Variants in RCN2 observed in about 807,000 individuals in gnomAD.
RCN2 encodes reticulocalbin 2, also known as reticulocalbin-2.
In RCN2, 23 loss-of-function variants were observed where a neutral mutation model predicts 37.5. The ratio of observed to expected loss-of-function variants is 0.61; its 90% CI spans 0.44 to 0.87. RCN2 has a LOEUF of 0.87. Among genes scored for constraint, RCN2 ranks in the 40% least tolerant of loss-of-function variants. The pLI, the probability that RCN2 is intolerant of heterozygous loss-of-function variation, is 0.00. For missense variants in RCN2, 381 were observed against 390.4 expected, an observed-to-expected ratio of 0.98 and a Z score of 0.20; for synonymous variants, 140 against 144.6, an observed-to-expected ratio of 0.97 and a Z score of 0.23.
intron 5 of RCN2, chr15:76,947,853 A>G (rs2075302910): frequency 4.3e-6 from 1 of 235,068 alleles, no homozygotes. Flanking sequence ...TAAAAGAGAT[A>G]GAAACATAAA....
rs762832825 is a variant in RCN2, at chr15:76,949,183, A to G, written c.915A>G (p.Arg305=). 1.2e-6 allele frequency: 2 copies of G among 1,612,808 alleles called. No homozygotes were observed. Among genetic ancestry groups the G allele is most frequent in the South Asian group, 2.2e-5 (2 of 90,836 alleles). ...CCAGTGAAGCCACAGATTATGGCAG[A>G]CAGCTCCATGATGACTATTTCTATC... ...FLTSEATDYG[R]QLHDDYFYHD... The change falls in exon 7 of 7, where the codon AGA becomes AGG. Residue 305 remains arginine, a synonymous_variant. Transcript: ENST00000394885.
Position 76,953,582 on chromosome 15 carries a change from TA to T in RCN2, c.*4361del, listed in dbSNP as rs2152652871. ...ATATATATATATATATATATATATA[TA>T]TATATATATATTTTTTTTTTTTTTT... On this transcript the variant is annotated 3_prime_UTR_variant, in exon 7 of 7. Transcript: ENST00000394885. 11 of 21,808 alleles carry T rather than the reference TA, an allele frequency of 5.0e-4. No homozygotes were observed. The highest frequency in any genetic ancestry group is 1.3e-3 in the African/African-American group (7 of 5,460). 1.4% of individuals were successfully genotyped at this position (21,808 alleles called of 1,614,324 possible). A position where few individuals can be genotyped will look rare whatever the true frequency, so the allele number is the denominator to read the frequency against.
At chr15:76,938,874 A>G (rs1037050710) in intron 3 of RCN2, 1 of 433,950 alleles carries the variant, frequency 2.3e-6, no homozygotes, top group African/African-American at 2.0e-5. Flanking sequence ...GAGGATAATA[A>G]TTCCCATTCA....
At position 76,951,685 on chromosome 15, in the gene RCN2, A is replaced by T. The variant is rs1374497075; in HGVS notation, c.*2463A>T. 6.6e-6 allele frequency: 1 copy of T among 152,212 alleles called. No homozygotes were observed. The highest frequency in any genetic ancestry group is 1.9e-4 in the East Asian group (1 of 5,208). 9.4% of individuals were successfully genotyped at this position (152,212 alleles called of 1,614,324 possible). A position where few individuals can be genotyped will look rare whatever the true frequency, so the allele number is the denominator to read the frequency against. On this transcript the variant is annotated 3_prime_UTR_variant, in exon 7 of 7. Coordinates refer to ENST00000394885, the MANE Select transcript of RCN2 (RefSeq NM_002902.3). ...ATTTGAATTTTAAATAAGACTTTTA[A>T]AATAAAGCTTTTATTTTGGTTTTAA...
rs74973371 is a variant in RCN2, at chr15:76,951,155, A to C, written c.*1933A>C. 4 of 152,240 alleles carry C rather than the reference A, an allele frequency of 2.6e-5. No homozygotes were observed. Among genetic ancestry groups the C allele is most frequent in the Non-Finnish European group, 5.9e-5 (4 of 68,042 alleles). The allele number at this position is 152,240 out of a possible 1,614,324, so 9.4% of individuals were successfully genotyped here. A position where few individuals can be genotyped will look rare whatever the true frequency, so the allele number is the denominator to read the frequency against. ...TGCCAGAATAGATCATCAGATATGG[A>C]TTATATTTCAATCCTTTGCAGAAAT... On this transcript the variant is annotated 3_prime_UTR_variant, in exon 7 of 7. Transcript: ENST00000394885.
chr15:76,943,116 G>A (rs918400062), intron 3 of RCN2: 2 of 152,206 alleles, frequency 1.3e-5, no homozygotes, highest in Non-Finnish European at 2.9e-5. Flanking sequence ...ATGGTATAAA[G>A]TTATTGATTT....
chr15:76,934,726 A>G (rs191724521), intron 2 of RCN2, among the ~76,000 whole-genome samples: 16 of 152,346 alleles, frequency 1.1e-4, no homozygotes, highest in Admixed American at 9.1e-4. Flanking sequence ...CATAAAATTT[A>G]TTTTAAAGGA....
chr15:76,950,983 A>G lies in RCN2; in HGVS notation c.*1761A>G, dbSNP rs2075318416. The G allele has an allele frequency of 6.6e-6, 1 of 152,178 alleles. No homozygotes were observed. Among genetic ancestry groups the G allele is most frequent in the South Asian group, 2.1e-4 (1 of 4,828 alleles). The allele number at this position is 152,178 out of a possible 1,614,324, so 9.4% of individuals were successfully genotyped here. ...CATGGTTTTCATTTTAACCTACACT[A>G]TATGTCTGGCTATAGCAGTTTTAGA... is the stretch of plus-strand genomic sequence containing the variant. On this transcript the variant is annotated 3_prime_UTR_variant, in exon 7 of 7. Transcript: ENST00000394885.
intron 2 of RCN2, among the ~76,000 whole-genome samples, chr15:76,932,685 G>C (rs956388246): frequency 3.9e-5 from 6 of 152,132 alleles, no homozygotes; most frequent in Non-Finnish European, 7.3e-5. Context: ...CATTGACCCT[G>C]TACTCTATGT....
rs915370470 is a variant in RCN2, at chr15:76,950,220, A to C, written c.*998A>C. ...TGGTCAGTTATCAACAGTAGAGCTCAGTATCAATTTTACTGAAATTAAAAT... is the reference window on the plus strand; with the variant it reads ...TGGTCAGTTATCAACAGTAGAGCTCCGTATCAATTTTACTGAAATTAAAAT... On this transcript the variant is annotated 3_prime_UTR_variant, in exon 7 of 7. Coordinates refer to ENST00000394885, the MANE Select transcript of RCN2 (RefSeq NM_002902.3). The C allele has an allele frequency of 2.6e-5, 4 of 152,154 alleles. No homozygotes were observed. Among genetic ancestry groups the C allele is most frequent in the African/African-American group, 7.2e-5 (3 of 41,438 alleles). 9.4% of individuals were successfully genotyped at this position (152,154 alleles called of 1,614,324 possible). A position where few individuals can be genotyped will look rare whatever the true frequency, so the allele number is the denominator to read the frequency against.
rs1057214201 is a variant in RCN2, at chr15:76,950,103, C to T, written c.*881C>T. The T allele has an allele frequency of 1.3e-5, 2 of 151,868 alleles. No individual in the cohort carries two copies. The highest frequency in any genetic ancestry group is 1.3e-4 in the Admixed American group (2 of 15,240). The allele number at this position is 151,868 out of a possible 1,614,324, so 9.4% of individuals were successfully genotyped here. ...AATATAATTGAATGTGCACCTGACA[C>T]ATTTTAATAATTGGTGTTGTAGCAA... On this transcript the variant is annotated 3_prime_UTR_variant, in exon 7 of 7. Coordinates refer to ENST00000394885, the MANE Select transcript of RCN2 (RefSeq NM_002902.3).
chr15:76,933,180 C>T (rs1055659206), intron 2 of RCN2, among the ~76,000 whole-genome samples: 1 of 152,198 alleles, frequency 6.6e-6, no homozygotes. Flanking sequence ...AGTTGTCTCT[C>T]CCCATTGTTC....
intron 3 of RCN2, among the ~76,000 whole-genome samples, chr15:76,936,146 G>A (rs1187086918): frequency 6.6e-6 from 1 of 150,798 alleles, no homozygotes; most frequent in South Asian, 2.1e-4. Flanking sequence ...TCAAACAACT[G>A]AGAATCGTAA....
At chr15:76,935,833 C>T (rs2152649667) in intron 3 of RCN2, 111 bp downstream of exon 3, 2 of 731,386 alleles carry the variant, frequency 2.7e-6, no homozygotes, top group East Asian at 2.9e-5. Context: ...GTCTTGTTCT[C>T]TAGGAAATCA....
chr15:76,931,824 C>T lies in RCN2; in HGVS notation c.-18C>T, dbSNP rs1303301755. The T allele has an allele frequency of 2.5e-6, 3 of 1,217,354 alleles. No individual in the cohort carries two copies. Among genetic ancestry groups the T allele is most frequent in the Admixed American group, 8.9e-5 (2 of 22,494 alleles). The allele number at this position is 1,217,354 out of a possible 1,614,324, so 75.4% of individuals were successfully genotyped here. On this transcript the variant is annotated 5_prime_UTR_variant, in exon 1 of 7. Transcript: ENST00000394885. ...CCTCCCTCCTCGCGTCCCTCGGTGTCCTCCGCGGGCCGGCGCGATGCGGCT... is the reference window on the plus strand; with the variant it reads ...CCTCCCTCCTCGCGTCCCTCGGTGTTCTCCGCGGGCCGGCGCGATGCGGCT...
chr15:76,936,488 A>G (rs1245265770), intron 3 of RCN2, among the ~76,000 whole-genome samples: 3 of 152,112 alleles, frequency 2.0e-5, no homozygotes, highest in Non-Finnish European at 2.9e-5. Flanking sequence ...CCTCACATGT[A>G]CAGTTCACAG....
At chr15:76,932,982 G>A (rs1258588123) in intron 2 of RCN2, among the ~76,000 whole-genome samples, 3 of 152,082 alleles carry the variant, frequency 2.0e-5, no homozygotes, top group Non-Finnish European at 4.4e-5. Flanking sequence ...ATGAAGAAAT[G>A]AAGCACAGGG....
chr15:76,953,503 T>TTTTGGATATA lies in RCN2; in HGVS notation c.*4283_*4292dup, dbSNP rs2075330635. 1 of 142,428 alleles carries TTTTGGATATA rather than the reference T, an allele frequency of 7.0e-6. No individual in the cohort carries two copies. The allele number at this position is 142,428 out of a possible 1,614,324, so 8.8% of individuals were successfully genotyped here. On this transcript the variant is annotated 3_prime_UTR_variant, in exon 7 of 7. Transcript: ENST00000394885. Reference sequence around the variant, plus strand: ...TTCTTTGAGATCCTGCTTTTAGTTCTTTTGGATATATATTATACATAGAAG... The same window carrying TTTTGGATATA: ...TTCTTTGAGATCCTGCTTTTAGTTCTTTTGGATATATTTGGATATATATTATACATAGAAG...
chr15:76,940,715 ATTTTTGTTTTTG>A (rs1168107910), intron 3 of RCN2, among the ~76,000 whole-genome samples: 4 of 151,270 alleles, frequency 2.6e-5, no homozygotes, highest in Non-Finnish European at 5.9e-5. Context: ...TACCTGGCTG[ATTTTTGTTTTTG>A]TTTTTGTTTT....
Sources: gnomAD v4.1 joint callset for allele counts (sites outside exome capture counted in the v4.1 genomes callset) on GRCh38, gnomAD v4.1.1 for gene constraint, MANE v1.5 for transcripts, NCBI Gene and HGNC (gene_info 2026-07-23, HGNC 2026-07-21) for gene names.